Variants in SIPA1L2 observed in about 807,000 individuals in gnomAD.
SIPA1L2 encodes signal-induced proliferation-associated 1-like protein 2.
In SIPA1L2, 56 loss-of-function variants were observed where a neutral mutation model predicts 163.9. The ratio of observed to expected loss-of-function variants is 0.34; its 90% CI spans 0.28 to 0.43. The LOEUF is 0.43. Ranked by LOEUF, SIPA1L2 falls within the 20% of genes least tolerant of loss-of-function variation. The probability of loss-of-function intolerance (pLI) is 1.00; values close to 1 mark genes in which losing one functional copy is unlikely to be tolerated. For synonymous variants in SIPA1L2, 877 were observed against 865.7 expected, an observed-to-expected ratio of 1.01 and a Z score of -0.23; for missense variants, 1,974 against 2,193.5, an observed-to-expected ratio of 0.90 and a Z score of 2.00.
At chr1:232,463,803 G>A (rs1664366712) in intron 9 of SIPA1L2, among the ~76,000 whole-genome samples, 1 of 152,142 alleles carries the variant, frequency 6.6e-6, no homozygotes, top group Non-Finnish European at 1.5e-5. Context: ...CTCTTATCTA[G>A]GCTTGCTCAC....
chr1:232,449,810 CCTAAGGGT>C (rs1663460809), intron 10 of SIPA1L2, among the ~76,000 whole-genome samples: 2 of 152,216 alleles, frequency 1.3e-5, no homozygotes. Context: ...TGGGTGGGAG[CCTAAGGGT>C]CTAAGGACCT....
chr1:232,454,042 G>A (rs1156537493), intron 10 of SIPA1L2, among the ~76,000 whole-genome samples: 1 of 152,102 alleles, frequency 6.6e-6, no homozygotes, highest in Non-Finnish European at 1.5e-5. Context: ...TCATTCGCTT[G>A]AATCACAAAC....
rs55961523 is a variant in SIPA1L2, at chr1:232,424,322, C to CAAAA, written c.4630+1263_4630+1266dup. ...TCTATTTTTTTTTAAGTGAAGCTAA[C>CAAAA]AAAAAAAAAAAAAAAAAAAAAAAAA... On this transcript the variant is annotated intron_variant, in intron 18 of 22. Coordinates refer to ENST00000674635, the MANE Select transcript of SIPA1L2 (RefSeq NM_020808.5). Among the ~76,000 whole-genome samples, 239 of 71,754 alleles carry CAAAA rather than the reference C, an allele frequency of 3.3e-3. 20 individuals are homozygous for CAAAA. The highest frequency in any genetic ancestry group is 4.0e-3 in the Non-Finnish European group (152 of 38,074). The allele number at this position is 71,754 out of a possible 152,430, so 47.1% of individuals were successfully genotyped here. A position where few individuals can be genotyped will look rare whatever the true frequency, so the allele number is the denominator to read the frequency against.
intron 2 of SIPA1L2, among the ~76,000 whole-genome samples, chr1:232,552,252 A>G (rs1316926760): frequency 6.6e-6 from 1 of 152,174 alleles, no homozygotes; most frequent in East Asian, 1.9e-4. Flanking sequence ...TAATACTGAT[A>G]ACAATATGCT....
chr1:232,565,608 T>C (rs897873922), intron 2 of SIPA1L2, among the ~76,000 whole-genome samples: 3 of 152,258 alleles, frequency 2.0e-5, no homozygotes, highest in African/African-American at 7.2e-5. Flanking sequence ...AAATGCTAGC[T>C]ATTATTATTA....
In SIPA1L2 at chr1:232,588,639, C is replaced by G. The variant is rs541113535; in HGVS notation, c.-318-14417G>C. ...TATATCAAAGAAGATCCACTATTAT[C>G]TGAAAGGAAATTCAAGCACTCCCTT... On this transcript the variant is annotated intron_variant, in intron 1 of 22. Coordinates refer to ENST00000674635, the MANE Select transcript of SIPA1L2 (RefSeq NM_020808.5). Among the ~76,000 whole-genome samples the G allele has an allele frequency of 2.0e-5, 3 of 152,290 alleles. No homozygotes were observed. In the South Asian group the frequency reaches 6.2e-4, roughly 32 times the overall value.
At chr1:232,572,775 ATATATTTATT>A (rs1389294435) in intron 2 of SIPA1L2, among the ~76,000 whole-genome samples, 15 of 111,016 alleles carry the variant, frequency 1.4e-4, no homozygotes, top group African/African-American at 4.1e-4. Flanking sequence ...ATATATATAT[ATATATTTATT>A]TATTTATTTT....
intron 19 of SIPA1L2, among the ~76,000 whole-genome samples, chr1:232,415,087 C>T (rs1661169373): frequency 6.6e-6 from 1 of 152,244 alleles, no homozygotes; most frequent in African/African-American, 2.4e-5. Flanking sequence ...ACTTCTCGGC[C>T]TGTGCTTGTC....
At position 232,398,549 on chromosome 1, in the gene SIPA1L2, C is replaced by T. The variant is rs1371640154; in HGVS notation, c.*578G>A. 6.6e-6 allele frequency: 1 copy of T among 151,076 alleles called. No individual in the cohort carries two copies. The highest frequency in any genetic ancestry group is 2.4e-5 in the African/African-American group (1 of 40,898). The allele number at this position is 151,076 out of a possible 1,614,324, so 9.4% of individuals were successfully genotyped here. A position where few individuals can be genotyped will look rare whatever the true frequency, so the allele number is the denominator to read the frequency against. ...ACTGCATCTGAACTAGTGTTAAACA[C>T]AACAGTGCTTTTTTTTTTTTTTAAT... On this transcript the variant is annotated 3_prime_UTR_variant, in exon 23 of 23. Coordinates refer to ENST00000674635, the MANE Select transcript of SIPA1L2 (RefSeq NM_020808.5).
chr1:232,480,929 T>A (rs922876373), intron 6 of SIPA1L2, among the ~76,000 whole-genome samples: 1 of 152,174 alleles, frequency 6.6e-6, no homozygotes, highest in African/African-American at 2.4e-5. Context: ...TCATATCCAA[T>A]TCAGAAACAG....
rs1281827678 is a variant in SIPA1L2 at position 232,629,955 on chromosome 1, G to A, written c.-405C>T. Among the ~76,000 whole-genome samples the A allele has an allele frequency of 2.0e-5, 3 of 150,720 alleles. No individual in the cohort carries two copies. The highest frequency in any genetic ancestry group is 3.0e-5 in the Non-Finnish European group (2 of 67,562). The stretch of plus-strand genomic sequence containing the variant: ...GGCTGCCGCCTCGCCGCCCGCCGCT[G>A]CCCGGGGCTGCCCATCGGCCCGGAC... On this transcript the variant is annotated 5_prime_UTR_variant, in exon 1 of 23. It introduces an in-frame stop codon into an upstream open reading frame of the 5' UTR. Coordinates refer to ENST00000674635, the MANE Select transcript of SIPA1L2 (RefSeq NM_020808.5).
At chr1:232,476,391 T>C (rs1665049178) in intron 7 of SIPA1L2, among the ~76,000 whole-genome samples, 1 of 152,160 alleles carries the variant, frequency 6.6e-6, no homozygotes, top group African/African-American at 2.4e-5. Context: ...CATTAAAAAA[T>C]AGGTTACTGT....
intron 8 of SIPA1L2, among the ~76,000 whole-genome samples, chr1:232,467,250 C>T (rs1664569233): frequency 6.6e-6 from 1 of 152,176 alleles, no homozygotes; most frequent in African/African-American, 2.4e-5. Flanking sequence ...GACAGATACA[C>T]CGAACTCATC....
intron 1 of SIPA1L2, among the ~76,000 whole-genome samples, chr1:232,584,774 TG>T (rs1301001278): frequency 6.6e-6 from 1 of 152,194 alleles, no homozygotes; most frequent in African/African-American, 2.4e-5. Flanking sequence ...AAACGCTAGA[TG>T]GAAACCTGTG....
At position 232,415,596 on chromosome 1, in the gene SIPA1L2, A is replaced by G. The variant is rs1661200671; in HGVS notation, c.4660T>C (p.Ser1554Pro). Reference sequence around the variant, plus strand: ...GGATCTGCGCACTTGGACTTATCTGATAAGGACCCATCGGAGAACCAGAAC... The same window carrying G: ...GGATCTGCGCACTTGGACTTATCTGGTAAGGACCCATCGGAGAACCAGAAC... The part of the protein sequence containing the change: ...NEFWFSDGSL[S>P]DKSKCADPGL... Residue 1554 changes from serine to proline, a missense_variant, in exon 19 of 23, where the codon TCA becomes CCA. Coordinates refer to ENST00000674635, the MANE Select transcript of SIPA1L2 (RefSeq NM_020808.5). 6.2e-7 allele frequency: 1 copy of G among 1,614,116 alleles called. No homozygotes were observed. The highest frequency in any genetic ancestry group is 1.3e-5 in the African/African-American group (1 of 75,056).
At chr1:232,575,608 G>C (rs1020496807) in intron 1 of SIPA1L2, among the ~76,000 whole-genome samples, 1 of 151,914 alleles carries the variant, frequency 6.6e-6, no homozygotes, top group Non-Finnish European at 1.5e-5. Context: ...GCATAATATA[G>C]TGGGTACCTA....
chr1:232,408,803 A>C (rs544329410), intron 19 of SIPA1L2, among the ~76,000 whole-genome samples: 1 of 152,062 alleles, frequency 6.6e-6, no homozygotes, highest in Non-Finnish European at 1.5e-5. Flanking sequence ...TCTTTTCCTA[A>C]AGTCCAATAT....
chr1:232,474,600 AG>A (rs1335058457), intron 7 of SIPA1L2, among the ~76,000 whole-genome samples: 1 of 152,222 alleles, frequency 6.6e-6, no homozygotes, highest in Non-Finnish European at 1.5e-5. Flanking sequence ...ATTTCAAAGC[AG>A]CTGCAAAAAA....
At chr1:232,433,239 C>T (rs141031898) in intron 15 of SIPA1L2, among the ~76,000 whole-genome samples, 1 of 152,280 alleles carries the variant, frequency 6.6e-6, no homozygotes, top group African/African-American at 2.4e-5. Flanking sequence ...AGGCTACAGA[C>T]GACTTGGGCG....
Sources: gnomAD v4.1 joint callset for allele counts (sites outside exome capture counted in the v4.1 genomes callset) on GRCh38, gnomAD v4.1.1 for gene constraint, MANE v1.5 for transcripts, NCBI Gene and HGNC (gene_info 2026-07-23, HGNC 2026-07-21) for gene names.